HIVEP2: variants seen among roughly 807,000 people sequenced by gnomAD.
HIVEP2 encodes the protein HIVEP zinc finger 2, also known as transcription factor HIVEP2.
HIVEP2 carries 14 observed loss-of-function variants against 180.7 expected under a neutral mutation model. The ratio of observed to expected loss-of-function variants is 0.08; its 90% CI spans 0.05 to 0.12. HIVEP2 has a LOEUF of 0.12. Ranked by LOEUF, HIVEP2 falls within the 10% of genes least tolerant of loss-of-function variation. The probability of loss-of-function intolerance (pLI) is 1.00; values close to 1 mark genes in which losing one functional copy is unlikely to be tolerated. For synonymous variants in HIVEP2, 1,184 were observed against 1,136.4 expected, an observed-to-expected ratio of 1.04 and a Z score of -0.84; for missense variants, 2,579 against 3,008.5, an observed-to-expected ratio of 0.86 and a Z score of 3.34.
chr6:142,870,445 T>C (rs1172929205), intron 1 of HIVEP2, among the ~76,000 whole-genome samples: 1 of 152,156 alleles, frequency 6.6e-6, no homozygotes, highest in Non-Finnish European at 1.5e-5. Flanking sequence ...TTTTGCGGAA[T>C]GTACAATAGG....
intron 1 of HIVEP2, among the ~76,000 whole-genome samples, chr6:142,944,550 G>GAGC (rs1299735061): frequency 1.3e-5 from 2 of 152,140 alleles, no homozygotes; most frequent in Non-Finnish European, 2.9e-5. Context: ...AGAGGAGGAG[G>GAGC]AGCAGCAGCA....
chr6:142,797,748 T>C (rs1776312066), intron 2 of HIVEP2, among the ~76,000 whole-genome samples: 1 of 152,110 alleles, frequency 6.6e-6, no homozygotes, highest in Non-Finnish European at 1.5e-5. Flanking sequence ...TTAGTTATTG[T>C]TGTGGATCTC....
intron 2 of HIVEP2, among the ~76,000 whole-genome samples, chr6:142,801,039 A>G (rs568358898): frequency 6.6e-6 from 1 of 152,064 alleles, no homozygotes; most frequent in South Asian, 2.1e-4. Flanking sequence ...GGGGAACATA[A>G]TGGACTGAGC....
intron 2 of HIVEP2, among the ~76,000 whole-genome samples, chr6:142,825,292 A>G (rs1440325312): frequency 1.5e-5 from 1 of 68,422 alleles, no homozygotes; most frequent in African/African-American, 6.2e-5. Flanking sequence ...CCAATTACAC[A>G]CACACACACA....
intron 2 of HIVEP2, among the ~76,000 whole-genome samples, chr6:142,788,882 G>C (rs566001844): frequency 6.6e-6 from 1 of 152,252 alleles, no homozygotes; most frequent in East Asian, 1.9e-4. Flanking sequence ...GTTAGAAAAG[G>C]CTTTCTAGAT....
intron 1 of HIVEP2, among the ~76,000 whole-genome samples, chr6:142,868,900 ATTTTCTCC>A (rs1159612564): frequency 1.3e-5 from 2 of 152,136 alleles, no homozygotes; most frequent in Non-Finnish European, 2.9e-5. Flanking sequence ...TAAGTATAGC[ATTTTCTCC>A]TTTTTAGTGT....
intron 2 of HIVEP2, among the ~76,000 whole-genome samples, chr6:142,808,533 GAGGGATGAAGAA>G (rs1345778436): frequency 6.0e-5 from 9 of 151,042 alleles, no homozygotes; most frequent in Admixed American, 2.0e-4. Context: ...AGGAGGGAGG[GAGGGATGAAGAA>G]AGGGATGGAT....
intron 2 of HIVEP2, among the ~76,000 whole-genome samples, chr6:142,785,121 C>T (rs111475596): frequency 0.023 from 3,495 of 151,856 alleles, 138 homozygotes; most frequent in African/African-American, 0.08. Flanking sequence ...GATCTCCTGA[C>T]CTCGTGATCC....
rs547765078 is a variant in HIVEP2 at position 142,752,858 on chromosome 6, G to T, written c.*249C>A. On this transcript the variant is annotated 3_prime_UTR_variant, in exon 10 of 10. Coordinates refer to ENST00000367603, the MANE Select transcript of HIVEP2 (RefSeq NM_006734.4). ...CTTATAAGAATATAAGCAAAGTAAA[G>T]AAAAGGCACAAACATCTGTACAATT... 10 of 408,242 alleles carry T rather than the reference G, an allele frequency of 2.4e-5. No individual in the cohort carries two copies. Among genetic ancestry groups the T allele is most frequent in the Admixed American group, 2.0e-4 (5 of 25,230 alleles). The allele number at this position is 408,242 out of a possible 1,614,324, so 25.3% of individuals were successfully genotyped here. A position where few individuals can be genotyped will look rare whatever the true frequency, so the allele number is the denominator to read the frequency against.
intron 1 of HIVEP2, among the ~76,000 whole-genome samples, chr6:142,911,939 A>G (rs1318341286): frequency 6.6e-6 from 1 of 152,174 alleles, no homozygotes; most frequent in Non-Finnish European, 1.5e-5. Context: ...TTTCAGTGCT[A>G]GTACTTATGG....
At chr6:142,852,110 C>G (rs955803256) in intron 1 of HIVEP2, among the ~76,000 whole-genome samples, 3 of 152,158 alleles carry the variant, frequency 2.0e-5, no homozygotes, top group African/African-American at 7.2e-5. Flanking sequence ...CCATGTTCCA[C>G]TAGGTTAATT....
At chr6:142,852,914 T>G (rs761599830) in intron 1 of HIVEP2, among the ~76,000 whole-genome samples, 4 of 152,242 alleles carry the variant, frequency 2.6e-5, no homozygotes, top group Non-Finnish European at 5.9e-5. Context: ...AAATTTGATA[T>G]AAATATTTGT....
chr6:142,862,169 C>T (rs1402226126), intron 1 of HIVEP2, among the ~76,000 whole-genome samples: 2 of 152,006 alleles, frequency 1.3e-5, no homozygotes, highest in South Asian at 2.1e-4. Flanking sequence ...AACATTAATA[C>T]CCAAAACGTG....
At chr6:142,808,065 C>T (rs1290532658) in intron 2 of HIVEP2, among the ~76,000 whole-genome samples, 1 of 152,168 alleles carries the variant, frequency 6.6e-6, no homozygotes, top group Non-Finnish European at 1.5e-5. Flanking sequence ...GGTTTACTGT[C>T]CATCCAGCCT....
intron 3 of HIVEP2, among the ~76,000 whole-genome samples, chr6:142,781,953 C>T (rs1246996932): frequency 6.6e-6 from 1 of 152,082 alleles, no homozygotes; most frequent in Non-Finnish European, 1.5e-5. Flanking sequence ...AACATTATCT[C>T]AGAAAAAAAC....
intron 1 of HIVEP2, among the ~76,000 whole-genome samples, chr6:142,857,847 G>A (rs908445789): frequency 2.6e-5 from 4 of 152,168 alleles, no homozygotes; most frequent in Admixed American, 6.5e-5. Flanking sequence ...CTTCTCCTGC[G>A]GGCGGGGGGA....
chr6:142,891,789 G>A lies in HIVEP2; in HGVS notation c.-641+53310C>T, dbSNP rs1051086244. ...GCAACATCGCTGAGACACGGCCCCCGATGGTCTAAGTCCTTGCTGGTTCTT... is the reference window on the plus strand; with the variant it reads ...GCAACATCGCTGAGACACGGCCCCCAATGGTCTAAGTCCTTGCTGGTTCTT... On this transcript the variant is annotated intron_variant, in intron 1 of 9. Coordinates refer to ENST00000367603, the MANE Select transcript of HIVEP2 (RefSeq NM_006734.4). Among the ~76,000 whole-genome samples, 31 of 152,286 alleles carry A rather than the reference G, an allele frequency of 2.0e-4. 1 individual carries two copies. The highest frequency in any genetic ancestry group is 1.6e-3 in the Admixed American group (24 of 15,308).
intron 1 of HIVEP2, among the ~76,000 whole-genome samples, chr6:142,870,179 G>T (rs1288398333): frequency 6.6e-6 from 1 of 152,016 alleles, no homozygotes; most frequent in Admixed American, 6.5e-5. Flanking sequence ...AGCACCAAAG[G>T]TTATTATTGA....
chr6:142,858,060 A>G (rs1358438059), intron 1 of HIVEP2, among the ~76,000 whole-genome samples: 1 of 152,206 alleles, frequency 6.6e-6, no homozygotes, highest in Non-Finnish European at 1.5e-5. Flanking sequence ...TGTTCCCCCT[A>G]GAAGAGTATC....
Sources: gnomAD v4.1 joint callset for allele counts (sites outside exome capture counted in the v4.1 genomes callset) on GRCh38, gnomAD v4.1.1 for gene constraint, MANE v1.5 for transcripts, NCBI Gene and HGNC (gene_info 2026-07-23, HGNC 2026-07-21) for gene names.